GHRHR: variants seen among roughly 807,000 people sequenced by gnomAD.
GHRHR encodes growth hormone releasing hormone receptor.
GHRHR carries 40 observed loss-of-function variants against 58.3 expected under a neutral mutation model. The observed-to-expected ratio is 0.69, with a 90% confidence interval of 0.53 to 0.89. GHRHR has a LOEUF of 0.89. Ranked by LOEUF, GHRHR falls within the 40% of genes least tolerant of loss-of-function variation. The pLI, the probability that GHRHR is intolerant of heterozygous loss-of-function variation, is 0.00. For missense variants in GHRHR, 551 were observed against 541.3 expected (o/e 1.02, Z -0.18); for synonymous variants, 249 against 216.6 (o/e 1.15, Z -1.31).
intron 5 of GHRHR, among the ~76,000 whole-genome samples, chr7:30,971,606 G>T (rs1792482033): frequency 6.6e-6 from 1 of 151,904 alleles, no homozygotes; most frequent in Non-Finnish European, 1.5e-5. Flanking sequence ...TTCGAAGTCT[G>T]AGCACTGCAT....
In GHRHR at chr7:30,972,062, C is replaced by T. The variant is rs740336; in HGVS notation, c.564C>T (p.His188=). Residue 188 remains histidine (H), a synonymous_variant, in exon 6 of 13, where the codon CAC becomes CAT. Coordinates refer to ENST00000326139, the MANE Select transcript of GHRHR (RefSeq NM_000823.4). The part of the protein sequence containing the change: ...AVFLKDAALF[H]SDDTDHCSFS... ...TCCTGAAGGATGCTGCCCTTTTCCACAGCGACGACACTGACCACTGCAGCT... is the reference window on the plus strand; with the variant it reads ...TCCTGAAGGATGCTGCCCTTTTCCATAGCGACGACACTGACCACTGCAGCT... The T allele has an allele frequency of 0.029, 46,535 of 1,613,980 alleles. 1,264 individuals carry two copies. Among genetic ancestry groups the T allele is most frequent in the African/African-American group, 0.12 (9,031 of 74,994 alleles).
Position 30,979,462 on chromosome 7 carries a change from C to A in GHRHR, c.*218C>A. Reference sequence around the variant, plus strand: ...TGGTCCCTCTGTGTCTGCTCTCATCCATTCCTCTTACTGGGGCCTGGGGCT... The same window carrying A: ...TGGTCCCTCTGTGTCTGCTCTCATCAATTCCTCTTACTGGGGCCTGGGGCT... On this transcript the variant is annotated 3_prime_UTR_variant, in exon 13 of 13. Transcript: ENST00000326139. The A allele has an allele frequency of 1.9e-6, 1 of 538,436 alleles. No homozygotes were observed. The allele number at this position is 538,436 out of a possible 1,614,324, so 33.4% of individuals were successfully genotyped here. A position where few individuals can be genotyped will look rare whatever the true frequency, so the allele number is the denominator to read the frequency against.
At chr7:30,966,897 C>A (rs1486796786) in intron 1 of GHRHR, among the ~76,000 whole-genome samples, 2 of 152,184 alleles carry the variant, frequency 1.3e-5, no homozygotes, top group East Asian at 3.9e-4. Flanking sequence ...CTACCTTGGC[C>A]TCCCAAAGTG....
At chr7:30,971,406 C>T (rs1346110022) in intron 5 of GHRHR, among the ~76,000 whole-genome samples, 190 bp downstream of exon 5, 1 of 152,172 alleles carries the variant, frequency 6.6e-6, no homozygotes, top group Non-Finnish European at 1.5e-5. Flanking sequence ...ATTCCTACCT[C>T]TGCCCCTTTG....
chr7:30,968,973 T>C (rs1170229485), intron 2 of GHRHR, 37 bp downstream of exon 2: 1 of 1,562,556 alleles, frequency 6.4e-7, no homozygotes, highest in Non-Finnish European at 8.8e-7. Flanking sequence ...GCTTCTCTGA[T>C]TCCTTTATAT....
chr7:30,975,019 G>T lies in GHRHR; in HGVS notation c.861G>T (p.Gly287=). 6.2e-7 allele frequency: 1 copy of T among 1,612,544 alleles called. No homozygotes were observed. ...DTSPYWWIIK[G]PIVLSVGVNF... is the part of the protein sequence containing the mutation. ...CCCCCTACTGGTGGATCATCAAAGG[G>T]CCCATTGTCCTCTCGGTCGGGGTCA... The change falls in exon 9 of 13, where the codon GGG becomes GGT. Residue 287 remains glycine (G), a synonymous_variant. Coordinates refer to ENST00000326139, the MANE Select transcript of GHRHR (RefSeq NM_000823.4).
At chr7:30,965,327 CA>C (rs1420456097) in intron 1 of GHRHR, among the ~76,000 whole-genome samples, 2 of 152,190 alleles carry the variant, frequency 1.3e-5, no homozygotes, top group Admixed American at 6.5e-5. Flanking sequence ...TCATCCCCTG[CA>C]GATACCAGGA....
rs776671355 is a variant in GHRHR at position 30,975,068 on chromosome 7, T to G, written c.882+28T>G. The G allele has an allele frequency of 2.0e-6, 3 of 1,493,520 alleles. No individual in the cohort carries two copies. The South Asian group carries it at 3.4e-5, about 17-fold the overall frequency. 92.5% of individuals were successfully genotyped at this position (1,493,520 alleles called of 1,614,324 possible). On this transcript the variant is annotated intron_variant, in intron 9 of 12. Transcript: ENST00000326139. ...CAGTCCCTGGGCCAGTGCCCTTTGCTTTATTCAGTCAACTTCCCTGGAACT... is the reference window on the plus strand; with the variant it reads ...CAGTCCCTGGGCCAGTGCCCTTTGCGTTATTCAGTCAACTTCCCTGGAACT...
chr7:30,969,377 G>GT (rs1792433663), intron 3 of GHRHR, among the ~76,000 whole-genome samples: 1 of 152,250 alleles, frequency 6.6e-6, no homozygotes, highest in Non-Finnish European at 1.5e-5. Flanking sequence ...GTGCAGGAAA[G>GT]TATTAGAGTG....
rs764582464 is a variant in GHRHR at position 30,968,896 on chromosome 7, C to G, written c.120C>G (p.Ala40=). The G allele has an allele frequency of 1.2e-6, 2 of 1,613,882 alleles. No homozygotes were observed. The highest frequency in any genetic ancestry group is 1.7e-6 in the Non-Finnish European group (2 of 1,179,870). The change falls in exon 2 of 13, where the codon GCC becomes GCG. Residue 40 remains alanine (A), a synonymous_variant. Coordinates refer to ENST00000326139, the MANE Select transcript of GHRHR (RefSeq NM_000823.4). Reference sequence around the variant, plus strand: ...CCCAGCTGAGAGAGGATGAGAGTGCCTGTCTACAAGCAGCAGAGGAGATGC... The same window carrying G: ...CCCAGCTGAGAGAGGATGAGAGTGCGTGTCTACAAGCAGCAGAGGAGATGC... ...FITQLREDES[A]CLQAAEEMPN...
At chr7:30,973,687 G>C (rs1008343906) in intron 6 of GHRHR, among the ~76,000 whole-genome samples, 34 of 152,354 alleles carry the variant, frequency 2.2e-4, no homozygotes, top group Non-Finnish European at 4.4e-4. Context: ...TAATCCTTAT[G>C]ATGAGGACTT....
chr7:30,974,309 C>T (rs1421261028), intron 7 of GHRHR, 120 bp from the exon 8 acceptor site: 5 of 1,072,582 alleles, frequency 4.7e-6, no homozygotes, highest in Admixed American at 1.7e-5. Flanking sequence ...GCTCTGGGGT[C>T]CTGCCTGGCC....
Position 30,977,264 on chromosome 7 carries a change from CT to C in GHRHR, c.1105-15del. On this transcript the variant is annotated splice_polypyrimidine_tract_variant and intron_variant, in intron 11 of 12. Transcript: ENST00000326139. The stretch of plus-strand genomic sequence containing the variant: ...GCCAAAGGGTTCTGATGGGGTCTTT[CT>C]TCTTTGGACCCACAGGGCTTCATTG... The C allele has an allele frequency of 6.2e-7, 1 of 1,613,524 alleles. No individual in the cohort carries two copies. Among genetic ancestry groups the C allele is most frequent in the Non-Finnish European group, 8.5e-7 (1 of 1,179,406 alleles).
chr7:30,971,974 GC>G lies in GHRHR; in HGVS notation c.481del (p.Arg161GlyfsTer21), dbSNP rs35515360. ...TILVALRRLH[C>X]PRNYVHTQLF... ...CCCATTACCCCCAGGAGGCTCCACT[GC>G]CCCCGGAACTACGTCCACACCCAGC... is the stretch of plus-strand genomic sequence containing the variant. On this transcript the variant is annotated frameshift_variant, in exon 6 of 13. Transcript: ENST00000326139. LOFTEE classifies it high-confidence loss of function. The G allele has an allele frequency of 5.0e-6, 8 of 1,613,702 alleles. No homozygotes were observed. Among genetic ancestry groups the G allele is most frequent in the African/African-American group, 1.3e-5 (1 of 74,842 alleles).
intron 6 of GHRHR, among the ~76,000 whole-genome samples, chr7:30,973,331 G>A (rs1002416173): frequency 1.1e-4 from 17 of 152,188 alleles, no homozygotes; most frequent in Admixed American, 5.2e-4. Flanking sequence ...TCACACCTTT[G>A]TTGTTCAAGA....
At chr7:30,968,024 A>G (rs1268553110) in intron 1 of GHRHR, among the ~76,000 whole-genome samples, 1 of 151,998 alleles carries the variant, frequency 6.6e-6, no homozygotes, top group Non-Finnish European at 1.5e-5. Context: ...GCATCTTTAA[A>G]TCTCAGTTCC....
At chr7:30,974,611 T>G in intron 8 of GHRHR, 122 bp downstream of exon 8, 1 of 770,706 alleles carries the variant, frequency 1.3e-6, no homozygotes, top group Middle Eastern at 2.7e-4. Flanking sequence ...CCGGCTAGGA[T>G]GGGGGGTGGG....
Position 30,974,103 on chromosome 7 carries a change from G to A in GHRHR, c.716G>A (p.Arg239Lys). 6.2e-7 allele frequency: 1 copy of A among 1,614,184 alleles called. No homozygotes were observed. Among genetic ancestry groups the A allele is most frequent in the Non-Finnish European group, 8.5e-7 (1 of 1,180,036 alleles). The change falls in exon 7 of 13, where the codon AGG becomes AAG. Residue 239 changes from arginine to lysine, a missense_variant. Physicochemically the swap from Arg to Lys is conservative, Grantham distance 26 (BLOSUM62 2). Transcript: ENST00000326139. ...CLLASTSPSS[R>K]RAFWWLVLAG... ...CTGGCCTCCACCTCCCCCAGCTCAA[G>A]GAGAGCCTTCTGGTGGCTGGTTCTC...
At chr7:30,977,928 CA>C (rs1792618929) in intron 12 of GHRHR, among the ~76,000 whole-genome samples, 1 of 152,202 alleles carries the variant, frequency 6.6e-6, no homozygotes, top group African/African-American at 2.4e-5. Flanking sequence ...GAGACTGACG[CA>C]AAGTGAATTC....
Sources: gnomAD v4.1 joint callset for allele counts (sites outside exome capture counted in the v4.1 genomes callset) on GRCh38, gnomAD v4.1.1 for gene constraint, MANE v1.5 for transcripts, NCBI Gene and HGNC (gene_info 2026-07-23, HGNC 2026-07-21) for gene names.